Variants in RERG observed in about 807,000 individuals in gnomAD.
RERG encodes ras-related and estrogen-regulated growth inhibitor.
RERG carries 25 observed loss-of-function variants against 23.2 expected under a neutral mutation model. The ratio of observed to expected loss-of-function variants is 1.08; its 90% CI spans 0.79 to 1.50. The LOEUF (loss-of-function observed/expected upper bound fraction) is 1.50, where lower values mean the gene tolerates loss of function less well. RERG is among the 40% of genes most tolerant of loss of function. The pLI is 0.00. For missense variants in RERG, 253 were observed against 250.1 expected (o/e 1.01, Z -0.08); for synonymous variants, 81 against 89.1 (o/e 0.91, Z 0.51).
chr12:15,109,629 TA>T, intron 4 of RERG, 112 bp from the exon 5 acceptor site: 1 of 810,426 alleles, frequency 1.2e-6, no homozygotes, highest in East Asian at 2.6e-5. Context: ...CCAAAGTCAT[TA>T]AAATGTCGTG....
At chr12:15,179,841 G>A (rs1864900666) in intron 2 of RERG, among the ~76,000 whole-genome samples, 1 of 152,128 alleles carries the variant, frequency 6.6e-6, no homozygotes, top group Non-Finnish European at 1.5e-5. Flanking sequence ...ATCACAGCTT[G>A]CACACTGCAC....
At chr12:15,185,456 T>C (rs555614366) in intron 2 of RERG, among the ~76,000 whole-genome samples, 1 of 152,172 alleles carries the variant, frequency 6.6e-6, no homozygotes, top group Non-Finnish European at 1.5e-5. Flanking sequence ...TTAGAATCCC[T>C]CACTCCCCTG....
intron 2 of RERG, among the ~76,000 whole-genome samples, chr12:15,160,125 A>C (rs1212690987): frequency 6.6e-6 from 1 of 152,074 alleles, no homozygotes; most frequent in African/African-American, 2.4e-5. Context: ...ACAGTTGAGC[A>C]GTTTTTATTT....
chr12:15,185,189 C>T (rs1016909006), intron 2 of RERG, among the ~76,000 whole-genome samples: 1 of 152,126 alleles, frequency 6.6e-6, no homozygotes, highest in Non-Finnish European at 1.5e-5. Context: ...AAATCGGACC[C>T]AAATTCTGCC....
At chr12:15,110,493 T>TTTTTTTA (rs1863591659) in intron 4 of RERG, among the ~76,000 whole-genome samples, 3 of 126,136 alleles carry the variant, frequency 2.4e-5, no homozygotes, top group African/African-American at 9.4e-5. Flanking sequence ...TTTTTTTTTT[T>TTTTTTTA]ACTGAGACGG....
intron 2 of RERG, among the ~76,000 whole-genome samples, chr12:15,200,292 G>GA (rs925576150): frequency 2.6e-5 from 4 of 152,024 alleles, no homozygotes; most frequent in African/African-American, 9.6e-5. Context: ...TAATGAACCT[G>GA]AAAAAATGAC....
In RERG at chr12:15,135,787, T is replaced by C. The variant is rs142476617; in HGVS notation, c.62-14668A>G. ...GGCATATACACCTTTTTATACATTG[T>C]TGGATTCAATTTGTGAATATTTTAT... On this transcript the variant is annotated intron_variant, in intron 2 of 4. Coordinates refer to ENST00000256953, the MANE Select transcript of RERG (RefSeq NM_032918.3). Among the ~76,000 whole-genome samples the C allele has an allele frequency of 7.0e-4, 106 of 152,264 alleles. 2 individuals are homozygous for C. Among genetic ancestry groups the C allele is most frequent in the African/African-American group, 2.3e-3 (94 of 41,570 alleles).
At chr12:15,219,135 T>A (rs957951666) in intron 1 of RERG, among the ~76,000 whole-genome samples, 2 of 152,170 alleles carry the variant, frequency 1.3e-5, no homozygotes, top group African/African-American at 2.4e-5. Flanking sequence ...TCTGCATAAT[T>A]CATTCCATTT....
intron 3 of RERG, among the ~76,000 whole-genome samples, chr12:15,111,925 C>T (rs1863626166): frequency 6.6e-6 from 1 of 152,122 alleles, no homozygotes; most frequent in Non-Finnish European, 1.5e-5. Flanking sequence ...ATCCGCCTGC[C>T]TTGGCCTCCC....
At chr12:15,172,553 C>T (rs1004463176) in intron 2 of RERG, among the ~76,000 whole-genome samples, 48 of 152,050 alleles carry the variant, frequency 3.2e-4, no homozygotes, top group Admixed American at 1.2e-3. Flanking sequence ...AGCTGCCAAA[C>T]GGTTTTCCAA....
At chr12:15,158,033 A>G (rs1864548537) in intron 2 of RERG, among the ~76,000 whole-genome samples, 1 of 152,176 alleles carries the variant, frequency 6.6e-6, no homozygotes, top group Non-Finnish European at 1.5e-5. Context: ...GTGTTTCAAT[A>G]TCTATACTTC....
At chr12:15,154,854 G>T (rs1012315395) in intron 2 of RERG, among the ~76,000 whole-genome samples, 1 of 152,028 alleles carries the variant, frequency 6.6e-6, no homozygotes, top group Non-Finnish European at 1.5e-5. Context: ...ACTTTAAAAG[G>T]GTCTTTCCTA....
chr12:15,170,362 G>T (rs1864760293), intron 2 of RERG, among the ~76,000 whole-genome samples: 1 of 151,944 alleles, frequency 6.6e-6, no homozygotes, highest in South Asian at 2.1e-4. Context: ...GGGAGTGGGA[G>T]GACAGAGGGC....
chr12:15,145,513 G>A (rs1333580498), intron 2 of RERG, among the ~76,000 whole-genome samples: 3 of 152,236 alleles, frequency 2.0e-5, no homozygotes, highest in African/African-American at 7.2e-5. Context: ...AATGGGGCCC[G>A]GGGTGTGTCC....
At chr12:15,118,359 G>A (rs1368229009) in intron 3 of RERG, among the ~76,000 whole-genome samples, 4 of 152,096 alleles carry the variant, frequency 2.6e-5, no homozygotes, top group African/African-American at 9.7e-5. Flanking sequence ...TTCTCGTGGA[G>A]TAACAATTCT....
At chr12:15,176,200 T>C (rs1864849121) in intron 2 of RERG, among the ~76,000 whole-genome samples, 1 of 152,186 alleles carries the variant, frequency 6.6e-6, no homozygotes, top group Non-Finnish European at 1.5e-5. Flanking sequence ...TAATTGAAGA[T>C]TTTTGTGCAT....
At chr12:15,157,562 C>T (rs1864540688) in intron 2 of RERG, among the ~76,000 whole-genome samples, 1 of 152,132 alleles carries the variant, frequency 6.6e-6, no homozygotes, top group Non-Finnish European at 1.5e-5. Flanking sequence ...ACCAGAGTGT[C>T]CCATTTTCAC....
In RERG at chr12:15,109,537, G is replaced by A. The variant is rs776717986; in HGVS notation, c.193-20C>T. 7.7e-6 allele frequency: 12 copies of A among 1,556,390 alleles called. No individual in the cohort carries two copies. The African/African-American group carries it at 9.6e-5, about 12-fold the overall frequency. ...ATCTTCCTGTTGGCAAAGAAAAATG[G>A]CCGTCAAGAGACCTGGAAATAATCA... On this transcript the variant is annotated intron_variant, in intron 4 of 4. Transcript: ENST00000256953.
intron 2 of RERG, among the ~76,000 whole-genome samples, chr12:15,201,564 T>C (rs866281874): frequency 6.8e-5 from 10 of 147,496 alleles, no homozygotes; most frequent in African/African-American, 1.3e-4. Context: ...TAGTAATTAA[T>C]AATAATAATT....
Sources: gnomAD v4.1 joint callset for allele counts (sites outside exome capture counted in the v4.1 genomes callset) on GRCh38, gnomAD v4.1.1 for gene constraint, MANE v1.5 for transcripts, NCBI Gene and HGNC (gene_info 2026-07-23, HGNC 2026-07-21) for gene names.